SBSPON: variants seen among roughly 807,000 people sequenced by gnomAD.
SBSPON encodes the protein somatomedin B and thrombospondin type 1 domain containing.
SBSPON carries 30 observed loss-of-function variants against 35.8 expected under a neutral mutation model. The observed-to-expected ratio is 0.84, with a 90% CI of 0.63 to 1.14. SBSPON has a LOEUF of 1.14. SBSPON is among the 50% of genes most tolerant of loss of function. The pLI, the probability that SBSPON is intolerant of heterozygous loss-of-function variation, is 0.00. For missense variants in SBSPON, 364 were observed against 357.7 expected (o/e 1.02, Z -0.14); for synonymous variants, 136 against 135.9 (o/e 1.00, Z 0.00).
intron 1 of SBSPON, among the ~76,000 whole-genome samples, chr8:73,086,578 C>T (rs2130036285): frequency 6.6e-6 from 1 of 152,284 alleles, no homozygotes; most frequent in South Asian, 2.1e-4. Flanking sequence ...CCTCAGAAAG[C>T]TCAAATAAAA....
rs1371518587 is a variant in SBSPON, at chr8:73,067,398, T to C, written c.738A>G (p.Lys246=). Residue 246 remains lysine (K), a synonymous_variant, in exon 5 of 5, where the codon AAA becomes AAG. Transcript: ENST00000297354. The stretch of plus-strand genomic sequence containing the variant: ...AAGAACACTGGTCTACTCGCCGAAC[T>C]TTTTTCCAAGTTCCTTGACACCGAG... The part of the protein sequence containing the change: ...GNPRCQGTWK[K]VRRVDQCSCP... The C allele has an allele frequency of 6.2e-7, 1 of 1,610,876 alleles. No homozygotes were observed. Among genetic ancestry groups the C allele is most frequent in the South Asian group, 1.1e-5 (1 of 90,968 alleles).
Position 73,081,098 on chromosome 8 carries a change from C to T in SBSPON, c.330G>A (p.Ala110=), listed in dbSNP as rs748443297. ...CTCTCTCTTCCAGGGGTGGGCAGGGCGCCCCGCCGTTCTGAGGCTCCTGCT... is the reference window on the plus strand; with the variant it reads ...CTCTCTCTTCCAGGGGTGGGCAGGGTGCCCCGCCGTTCTGAGGCTCCTGCT... ...SVQQEPQNGG[A]PCPPLEERAG... Residue 110 remains alanine (A), a synonymous_variant, in exon 2 of 5, where the codon GCG becomes GCA. Coordinates refer to ENST00000297354, the MANE Select transcript of SBSPON (RefSeq NM_153225.4). 19 of 1,612,876 alleles carry T rather than the reference C, an allele frequency of 1.2e-5. No individual in the cohort carries two copies. In the East Asian group the frequency reaches 2.2e-4, roughly 19 times the overall value.
chr8:73,090,117 A>G (rs561756284), intron 1 of SBSPON, among the ~76,000 whole-genome samples: 1 of 152,298 alleles, frequency 6.6e-6, no homozygotes, highest in South Asian at 2.1e-4. Flanking sequence ...AGCTCAGGCA[A>G]TCCATCTGCC....
intron 3 of SBSPON, 140 bp from the exon 4 acceptor site, chr8:73,070,121 TC>T (rs1810465159): frequency 3.7e-6 from 2 of 545,396 alleles, no homozygotes; most frequent in Admixed American, 7.0e-5. Context: ...AAGTTACGTG[TC>T]AATCACCTTT....
chr8:73,069,755 T>G (rs1480262918), intron 4 of SBSPON, 50 bp downstream of exon 4: 1 of 1,480,710 alleles, frequency 6.8e-7, no homozygotes. Flanking sequence ...GAGGACAGAT[T>G]TCTCAGAATG....
At chr8:73,082,796 G>A (rs955993009) in intron 1 of SBSPON, among the ~76,000 whole-genome samples, 5 of 152,238 alleles carry the variant, frequency 3.3e-5, no homozygotes, top group South Asian at 2.1e-4. Flanking sequence ...CCTAGGCTGC[G>A]AGCTGATTGA....
At chr8:73,088,792 G>A (rs1810881493) in intron 1 of SBSPON, among the ~76,000 whole-genome samples, 1 of 152,192 alleles carries the variant, frequency 6.6e-6, no homozygotes, top group Non-Finnish European at 1.5e-5. Context: ...CTAGGAATAA[G>A]TAATAGCCAT....
intron 2 of SBSPON, chr8:73,075,774 T>C (rs1810583275): frequency 1.0e-6 from 1 of 960,768 alleles, no homozygotes. Context: ...AAATGAAAAA[T>C]TGACAAATAA....
chr8:73,071,980 G>A (rs901889115), intron 2 of SBSPON, 110 bp from the exon 3 acceptor site: 7 of 691,890 alleles, frequency 1.0e-5, no homozygotes, highest in African/African-American at 1.8e-5. Flanking sequence ...AACTCACAGG[G>A]CTACGGCACA....
Position 73,069,960 on chromosome 8 carries a change from T to A in SBSPON, c.522A>T (p.Thr174=). ...GAGCACAGTGAGGAGTCAAGGACTCTGTCTTAAACTCCATACAGTATCTAC... is the reference window on the plus strand; with the variant it reads ...GAGCACAGTGAGGAGTCAAGGACTCAGTCTTAAACTCCATACAGTATCTAC... ...EDAGYCMEFK[T]ESLTPHCALE... The change falls in exon 4 of 5, where the codon ACA becomes ACT. Residue 174 remains threonine (T), a synonymous_variant. Transcript: ENST00000297354. The A allele has an allele frequency of 1.3e-6, 2 of 1,597,790 alleles. No individual in the cohort carries two copies. Among genetic ancestry groups the A allele is most frequent in the Non-Finnish European group, 1.7e-6 (2 of 1,171,184 alleles).
chr8:73,069,375 C>T, intron 4 of SBSPON, among the ~76,000 whole-genome samples: 1 of 152,102 alleles, frequency 6.6e-6, no homozygotes, highest in Non-Finnish European at 1.5e-5. Flanking sequence ...ACCTCCGCCT[C>T]CTGGACTCAA....
intron 2 of SBSPON, among the ~76,000 whole-genome samples, chr8:73,080,120 G>C (rs560561089): frequency 6.6e-6 from 1 of 152,172 alleles, no homozygotes; most frequent in South Asian, 2.1e-4. Context: ...CCGATTCCTG[G>C]CCCCTCCATT....
chr8:73,091,557 G>A (rs1810936139), intron 1 of SBSPON, among the ~76,000 whole-genome samples: 1 of 152,132 alleles, frequency 6.6e-6, no homozygotes, highest in African/African-American at 2.4e-5. Context: ...AGGGAAATGA[G>A]GCCGACAGTT....
At chr8:73,070,396 G>A (rs1810471919) in intron 3 of SBSPON, among the ~76,000 whole-genome samples, 1 of 152,188 alleles carries the variant, frequency 6.6e-6, no homozygotes, top group Non-Finnish European at 1.5e-5. Context: ...CCCTAAAAAT[G>A]TGAGCCCAGG....
intron 2 of SBSPON, among the ~76,000 whole-genome samples, chr8:73,080,598 T>C (rs1253752845): frequency 6.6e-6 from 1 of 152,188 alleles, no homozygotes; most frequent in African/African-American, 2.4e-5. Flanking sequence ...CATGCGTGAG[T>C]GTGCATAATG....
chr8:73,067,588 A>AATATATATATAT, intron 4 of SBSPON, 130 bp from the exon 5 acceptor site: 1 of 122,738 alleles, frequency 8.1e-6, no homozygotes, highest in Non-Finnish European at 1.5e-5. Context: ...CCCCGTCTCT[A>AATATATATATAT]CTATATATAT....
In SBSPON at chr8:73,065,893, A is replaced by T. The variant is rs532108868; in HGVS notation, c.*1448T>A. On this transcript the variant is annotated 3_prime_UTR_variant, in exon 5 of 5. Coordinates refer to ENST00000297354, the MANE Select transcript of SBSPON (RefSeq NM_153225.4). ...ATGTTAATACTGACTTAAAGTTGCT[A>T]GCCTTGATGAGACTCACATATTTTA... 46 of 152,350 alleles carry T rather than the reference A, an allele frequency of 3.0e-4. No homozygotes were observed. The highest frequency in any genetic ancestry group is 1.1e-3 in the African/African-American group (45 of 41,580). 9.4% of individuals were successfully genotyped at this position (152,350 alleles called of 1,614,324 possible).
intron 4 of SBSPON, among the ~76,000 whole-genome samples, chr8:73,068,189 AC>A (rs1466985106): frequency 7.9e-5 from 12 of 152,320 alleles, no homozygotes; most frequent in African/African-American, 2.9e-4. Context: ...GGGTTTAAAT[AC>A]TATATGGGTA....
At chr8:73,076,504 G>C (rs1365969356) in intron 2 of SBSPON, among the ~76,000 whole-genome samples, 1 of 151,962 alleles carries the variant, frequency 6.6e-6, no homozygotes, top group Non-Finnish European at 1.5e-5. Context: ...AAAATTAGCC[G>C]GGTGTGTTGG....
Sources: allele counts gnomAD v4.1 joint callset (sites outside exome capture counted in the v4.1 genomes callset), GRCh38; gene constraint gnomAD v4.1.1; transcripts MANE v1.5; gene names NCBI Gene and HGNC (gene_info 2026-07-23, HGNC 2026-07-21).